The following SSBP2 variants were observed in gnomAD, a reference collection of about 807,000 sequenced individuals.
The protein encoded by SSBP2 is single-stranded DNA-binding protein 2.
In SSBP2, 17 loss-of-function variants were observed where a neutral mutation model predicts 61.8. That is an observed-to-expected ratio of 0.28 (90% CI 0.19 to 0.41). SSBP2 has a LOEUF of 0.41. Ranked by LOEUF, SSBP2 falls within the 10% of genes least tolerant of loss-of-function variation. The pLI is 1.00. For synonymous variants in SSBP2, 139 were observed against 141.3 expected (o/e 0.98, Z 0.12); for missense variants, 310 against 458.7 (o/e 0.68, Z 2.96).
At chr5:81,684,918 G>T (rs1202799331) in intron 1 of SSBP2, among the ~76,000 whole-genome samples, 1 of 152,110 alleles carries the variant, frequency 6.6e-6, no homozygotes, top group African/African-American at 2.4e-5. Context: ...GGGGCAGAAT[G>T]ATATGGTTTG....
chr5:81,423,090 C>A (rs1251550311), intron 16 of SSBP2, among the ~76,000 whole-genome samples: 1 of 152,166 alleles, frequency 6.6e-6, no homozygotes, highest in Admixed American at 6.5e-5. Context: ...TAGAAAAAAT[C>A]AGAGAATATG....
At chr5:81,420,628 T>G in intron 16 of SSBP2, 95 bp from the exon 17 acceptor site, 1 of 994,226 alleles carries the variant, frequency 1.0e-6, no homozygotes, top group Non-Finnish European at 1.6e-6. Flanking sequence ...TTCTAATTTC[T>G]TATCATCTTT....
chr5:81,557,238 T>C (rs1772677466), intron 4 of SSBP2, among the ~76,000 whole-genome samples: 1 of 152,202 alleles, frequency 6.6e-6, no homozygotes, highest in Admixed American at 6.5e-5. Context: ...CTATACATAA[T>C]GTGACTTTTC....
chr5:81,567,706 G>A (rs1773533441), intron 4 of SSBP2, among the ~76,000 whole-genome samples: 2 of 152,180 alleles, frequency 1.3e-5, no homozygotes, highest in South Asian at 4.1e-4. Flanking sequence ...GTGGGAGGCA[G>A]ACTGTACCCT....
At chr5:81,587,100 CT>C (rs1367490523) in intron 4 of SSBP2, among the ~76,000 whole-genome samples, 4 of 151,830 alleles carry the variant, frequency 2.6e-5, no homozygotes, top group African/African-American at 9.7e-5. Flanking sequence ...CTTTTTTTTG[CT>C]TAATAAAGTT....
At chr5:81,649,711 C>T (rs1749569194) in intron 2 of SSBP2, among the ~76,000 whole-genome samples, 1 of 151,664 alleles carries the variant, frequency 6.6e-6, no homozygotes, top group Admixed American at 6.6e-5. Context: ...TACCCTAAAT[C>T]TCAGCATCAC....
chr5:81,531,072 C>CCAAAA (rs1032429737), intron 4 of SSBP2, among the ~76,000 whole-genome samples: 2 of 150,774 alleles, frequency 1.3e-5, no homozygotes, highest in African/African-American at 4.9e-5. Flanking sequence ...CAAAACCAAA[C>CCAAAA]CAAAACAAAA....
At chr5:81,663,080 T>G (rs1750827904) in intron 1 of SSBP2, among the ~76,000 whole-genome samples, 1 of 152,190 alleles carries the variant, frequency 6.6e-6, no homozygotes, top group Non-Finnish European at 1.5e-5. Flanking sequence ...ATGGTCTAGT[T>G]ATCTAATTTG....
At chr5:81,486,325 A>G (rs1432375101) in intron 6 of SSBP2, among the ~76,000 whole-genome samples, 5 of 152,166 alleles carry the variant, frequency 3.3e-5, no homozygotes, top group Admixed American at 1.3e-4. Flanking sequence ...CCTTGTCTTC[A>G]AAGTGTTCAT....
chr5:81,743,220 C>T (rs1475164212), intron 1 of SSBP2, among the ~76,000 whole-genome samples: 2 of 152,122 alleles, frequency 1.3e-5, no homozygotes, highest in Non-Finnish European at 2.9e-5. Flanking sequence ...CTTCTTCATC[C>T]CAATTTTCAC....
In SSBP2 at chr5:81,461,036, A is replaced by C. The variant is rs6893826; in HGVS notation, c.687+19T>G. On this transcript the variant is annotated intron_variant, in intron 10 of 16. Transcript: ENST00000320672. ...TTACAAAATGCAAAATATTAAAAAA[A>C]ATATATATATATACTCACTGAATTG... is the stretch of plus-strand genomic sequence containing the variant. 8 of 1,293,800 alleles carry C rather than the reference A, an allele frequency of 6.2e-6. No homozygotes were observed. In the African/African-American group the frequency reaches 1.3e-4, roughly 21 times the overall value. The allele number at this position is 1,293,800 out of a possible 1,614,324, so 80.1% of individuals were successfully genotyped here.
intron 1 of SSBP2, among the ~76,000 whole-genome samples, chr5:81,725,747 A>T (rs576096448): frequency 1.3e-5 from 2 of 152,280 alleles, no homozygotes; most frequent in East Asian, 3.9e-4. Context: ...ATACAGTTTT[A>T]AAAAGTCTCA....
chr5:81,532,786 A>T (rs1303880420), intron 4 of SSBP2, among the ~76,000 whole-genome samples: 2 of 151,924 alleles, frequency 1.3e-5, no homozygotes, highest in Middle Eastern at 3.3e-3. Context: ...GGAATAACAG[A>T]AAAAAATAAA....
At chr5:81,469,939 T>C (rs1292991553) in intron 8 of SSBP2, among the ~76,000 whole-genome samples, 3 of 151,946 alleles carry the variant, frequency 2.0e-5, no homozygotes, top group Admixed American at 2.0e-4. Context: ...CTGTTCAGAC[T>C]CTGCTTGGAA....
rs1580688489 is a variant in SSBP2, at chr5:81,439,943, T to C, written c.928+615A>G. ...GCCTCGGCCTCCCAAAGTGCTGGGA[T>C]TACAAATGTGAGCCATGGCGCCTGG... On this transcript the variant is annotated intron_variant, in intron 14 of 16. Coordinates refer to ENST00000320672, the MANE Select transcript of SSBP2 (RefSeq NM_012446.5). Among the ~76,000 whole-genome samples the C allele has an allele frequency of 4.6e-5, 7 of 152,072 alleles. 1 individual carries two copies. In the South Asian group the frequency reaches 1.2e-3, roughly 27 times the overall value.
At chr5:81,448,751 C>T (rs1763570094) in intron 11 of SSBP2, 39 bp downstream of exon 11, 2 of 1,588,676 alleles carry the variant, frequency 1.3e-6, no homozygotes, top group Non-Finnish European at 1.7e-6. Flanking sequence ...TAAAATGTAA[C>T]ATCAATTCTT....
intron 1 of SSBP2, among the ~76,000 whole-genome samples, chr5:81,731,424 C>CAAT (rs1581438154): frequency 6.6e-6 from 1 of 152,070 alleles, no homozygotes; most frequent in African/African-American, 2.4e-5. Context: ...GAATCCTGGG[C>CAAT]AATATCCTAT....
At chr5:81,658,639 TATAAGTGAG>T (rs1282659844) in intron 1 of SSBP2, among the ~76,000 whole-genome samples, 2 of 152,320 alleles carry the variant, frequency 1.3e-5, no homozygotes, top group East Asian at 3.9e-4. Context: ...CGGCTGACTG[TATAAGTGAG>T]ATTATATAGT....
chr5:81,693,021 C>A (rs1174034550), intron 1 of SSBP2, among the ~76,000 whole-genome samples: 1 of 151,724 alleles, frequency 6.6e-6, no homozygotes, highest in Non-Finnish European at 1.5e-5. Flanking sequence ...CTGGCCAACA[C>A]AGTGAAAGCT....
Sources: gnomAD v4.1 joint callset for allele counts (sites outside exome capture counted in the v4.1 genomes callset) on GRCh38, gnomAD v4.1.1 for gene constraint, MANE v1.5 for transcripts, NCBI Gene and HGNC (gene_info 2026-07-23, HGNC 2026-07-21) for gene names.